FSTL3: variants seen among roughly 807,000 people sequenced by gnomAD.
FSTL3 encodes the protein follistatin like 3, also known as follistatin-related protein 3.
In FSTL3, 21 loss-of-function variants were observed where a neutral mutation model predicts 28.1. The observed-to-expected ratio is 0.75, with a 90% CI of 0.53 to 1.08. The LOEUF (loss-of-function observed/expected upper bound fraction) is 1.08. FSTL3 is among the 50% of genes least tolerant of loss of function. The probability of loss-of-function intolerance (pLI) is 0.00; values close to 1 mark genes in which losing one functional copy is unlikely to be tolerated. For missense variants in FSTL3, 400 were observed against 380.9 expected, an observed-to-expected ratio of 1.05 and a Z score of -0.42; for synonymous variants, 199 against 164.2, an observed-to-expected ratio of 1.21 and a Z score of -1.62.
intron 1 of FSTL3, among the ~76,000 whole-genome samples, chr19:677,225 ACC>A (rs2031231858): frequency 6.8e-6 from 1 of 146,652 alleles, no homozygotes; most frequent in South Asian, 2.3e-4. Context: ...GCCCCACCCC[ACC>A]CCAGCCCTGC....
intron 3 of FSTL3, 57 bp downstream of exon 3, chr19:680,546 C>T (rs2031307709): frequency 2.2e-6 from 2 of 919,766 alleles, no homozygotes; most frequent in African/African-American, 1.8e-5. Flanking sequence ...ACCTGCGCGT[C>T]ATGTATCGAG....
At chr19:681,127 C>T (rs1392663000) in intron 3 of FSTL3, among the ~76,000 whole-genome samples, 1 of 136,448 alleles carries the variant, frequency 7.3e-6, no homozygotes, top group Non-Finnish European at 1.5e-5. Context: ...AGGTGTGGCT[C>T]CTGGGTACAA....
In FSTL3 at chr19:680,362, G is replaced by A. The variant is rs939894874; in HGVS notation, c.378G>A (p.Ser126=). ...RPRCECAPDC[S]GLPARLQVCG... The stretch of plus-strand genomic sequence containing the variant: ...GCTGCGAGTGCGCGCCCGACTGCTC[G>A]GGGCTCCCGGCGCGGCTGCAGGTCT... The change falls in exon 3 of 5, where the codon TCG becomes TCA. Residue 126 remains serine (S), a synonymous_variant. Transcript: ENST00000166139. The A allele has an allele frequency of 2.3e-6, 3 of 1,281,074 alleles. No individual in the cohort carries two copies. Among genetic ancestry groups the A allele is most frequent in the South Asian group, 5.0e-5 (2 of 39,704 alleles). 79.4% of individuals were successfully genotyped at this position (1,281,074 alleles called of 1,614,324 possible).
At chr19:678,149 G>A (rs2031250771) in intron 2 of FSTL3, 172 bp downstream of exon 2, 1 of 632,110 alleles carries the variant, frequency 1.6e-6, no homozygotes, top group South Asian at 2.0e-5. Context: ...CCGGTTCCCA[G>A]GCTCCAGCCT....
chr19:680,782 C>A (rs1273756502), intron 3 of FSTL3: 2 of 313,694 alleles, frequency 6.4e-6, no homozygotes, highest in Non-Finnish European at 1.2e-5. Flanking sequence ...TGAGTAAGGG[C>A]GTCTTTATAC....
chr19:682,852 C>T lies in FSTL3; in HGVS notation c.*1144C>T, dbSNP rs73506022. 7,759 of 232,678 alleles carry T rather than the reference C, an allele frequency of 0.033. 596 individuals are homozygous for T. Among genetic ancestry groups the T allele is most frequent in the African/African-American group, 0.16 (7,130 of 45,328 alleles). 14.4% of individuals were successfully genotyped at this position (232,678 alleles called of 1,614,324 possible). A position where few individuals can be genotyped will look rare whatever the true frequency, so the allele number is the denominator to read the frequency against. ...CCACTGGCCCCGAGGGGGGTGTAGA[C>T]GCCAAGACTCACGCATGTGTGACAT... is the stretch of plus-strand genomic sequence containing the variant. On this transcript the variant is annotated 3_prime_UTR_variant, in exon 5 of 5. Coordinates refer to ENST00000166139, the MANE Select transcript of FSTL3 (RefSeq NM_005860.3).
rs933683859 is a variant in FSTL3, at chr19:681,972, AC to A, written c.*267del. 36 of 561,030 alleles carry A rather than the reference AC, an allele frequency of 6.4e-5. No individual in the cohort carries two copies. Among genetic ancestry groups the A allele is most frequent in the Non-Finnish European group, 1.1e-4 (35 of 312,318 alleles). The allele number at this position is 561,030 out of a possible 1,614,324, so 34.8% of individuals were successfully genotyped here. A position where few individuals can be genotyped will look rare whatever the true frequency, so the allele number is the denominator to read the frequency against. On this transcript the variant is annotated 3_prime_UTR_variant, in exon 5 of 5. Transcript: ENST00000166139. The stretch of plus-strand genomic sequence containing the variant: ...CCTTCTCTAGGATGCCCCAGCCCCT[AC>A]CCTAAGACCTATTGCCGGGGAGGAT...
At chr19:679,685 T>C (rs975515869) in intron 2 of FSTL3, among the ~76,000 whole-genome samples, 10 of 152,098 alleles carry the variant, frequency 6.6e-5, no homozygotes, top group Admixed American at 2.6e-4. Flanking sequence ...AGGACCTCAA[T>C]ATCCCTGTCT....
chr19:678,077 C>A, intron 2 of FSTL3, 100 bp downstream of exon 2: 1 of 1,153,154 alleles, frequency 8.7e-7, no homozygotes, highest in Non-Finnish European at 1.2e-6. Context: ...CTGAGCCCGT[C>A]ACAGGGGTAT....
At chr19:680,909 A>C in intron 3 of FSTL3, 1 of 237,742 alleles carries the variant, frequency 4.2e-6, no homozygotes, top group East Asian at 9.5e-5. Context: ...CGGGAGCGTG[A>C]CTCAGAGAGG....
intron 1 of FSTL3, 138 bp downstream of exon 1, chr19:676,664 A>G (rs2031217740): frequency 3.4e-6 from 1 of 296,604 alleles, no homozygotes. Context: ...GGAGCCGGGA[A>G]GGTCTGAAGG....
chr19:677,703 A>T, intron 1 of FSTL3, 89 bp from the exon 2 acceptor site: 1 of 1,272,702 alleles, frequency 7.9e-7, no homozygotes. Context: ...GTGCGTAACT[A>T]CTCAGCACCA....
intron 2 of FSTL3, among the ~76,000 whole-genome samples, chr19:679,468 C>T (rs1296629671): frequency 1.3e-5 from 2 of 152,184 alleles, no homozygotes; most frequent in Non-Finnish European, 2.9e-5. Flanking sequence ...CCTACCAGAC[C>T]CCCAGATAAC....
At position 681,793 on chromosome 19, in the gene FSTL3, G is replaced by T. The variant is rs1489123637; in HGVS notation, c.*85G>T. 5 of 1,180,360 alleles carry T rather than the reference G, an allele frequency of 4.2e-6. No individual in the cohort carries two copies. In the African/African-American group the frequency reaches 7.6e-5, roughly 18 times the overall value. 73.1% of individuals were successfully genotyped at this position (1,180,360 alleles called of 1,614,324 possible). On this transcript the variant is annotated 3_prime_UTR_variant, in exon 5 of 5. Coordinates refer to ENST00000166139, the MANE Select transcript of FSTL3 (RefSeq NM_005860.3). Reference sequence around the variant, plus strand: ...TGCCACAGCAGAGTCTAATTTATATGCCACGGACACTCCTTAGAGCCCGGA... The same window carrying T: ...TGCCACAGCAGAGTCTAATTTATATTCCACGGACACTCCTTAGAGCCCGGA...
intron 1 of FSTL3, 89 bp downstream of exon 1, chr19:676,615 C>CGGCGGT: frequency 5.6e-6 from 2 of 356,068 alleles, no homozygotes; most frequent in Non-Finnish European, 9.0e-6. Context: ...GGGGGCGCGG[C>CGGCGGT]GGCGGCGGCG....
chr19:677,209 C>A (rs1234749896), intron 1 of FSTL3, among the ~76,000 whole-genome samples: 1 of 152,190 alleles, frequency 6.6e-6, no homozygotes, highest in Non-Finnish European at 1.5e-5. Context: ...ACCCCCCATC[C>A]CTGCAGCCCC....
At chr19:678,220 T>C (rs2031251641) in intron 2 of FSTL3, 3 of 534,994 alleles carry the variant, frequency 5.6e-6, no homozygotes, top group African/African-American at 3.8e-5. Context: ...GGCTGAGCTC[T>C]CTGCCTGGGT....
chr19:681,428 C>T lies in FSTL3; in HGVS notation c.601C>T (p.Pro201Ser). The T allele has an allele frequency of 1.3e-6, 2 of 1,598,004 alleles. No homozygotes were observed. The highest frequency in any genetic ancestry group is 1.7e-6 in the Non-Finnish European group (2 of 1,179,056). ...HCVVCRAAPC[P>S]VPSSPGQELC... ...CGTGGTGTGTCGAGCGGCGCCCTGC[C>T]CTGTGCCCTCCAGCCCCGGCCAGGA... Residue 201 changes from proline to serine, a missense_variant, in exon 4 of 5, where the codon CCT becomes TCT. Transcript: ENST00000166139.
chr19:681,882 G>C lies in FSTL3; in HGVS notation c.*174G>C, dbSNP rs1355587731. 1 of 650,920 alleles carries C rather than the reference G, an allele frequency of 1.5e-6. No homozygotes were observed. The highest frequency in any genetic ancestry group is 1.8e-5 in the African/African-American group (1 of 54,958). The allele number at this position is 650,920 out of a possible 1,614,324, so 40.3% of individuals were successfully genotyped here. On this transcript the variant is annotated 3_prime_UTR_variant, in exon 5 of 5. Coordinates refer to ENST00000166139, the MANE Select transcript of FSTL3 (RefSeq NM_005860.3). Reference sequence around the variant, plus strand: ...ATCCTGGAAGGACTGAGGAAGGGAGGCCTGGGGGCCGGCTGGTGGGTGGGA... The same window carrying C: ...ATCCTGGAAGGACTGAGGAAGGGAGCCCTGGGGGCCGGCTGGTGGGTGGGA...
Sources: allele counts gnomAD v4.1 joint callset (sites outside exome capture counted in the v4.1 genomes callset), GRCh38; gene constraint gnomAD v4.1.1; transcripts MANE v1.5; gene names NCBI Gene and HGNC (gene_info 2026-07-23, HGNC 2026-07-21).